The following SUPT20H variants were observed in gnomAD, a reference collection of about 807,000 sequenced individuals.
SUPT20H encodes SPT20 homolog, SAGA complex component.
SUPT20H carries 82 observed loss-of-function variants against 122.8 expected under a neutral mutation model. The ratio of observed to expected loss-of-function variants is 0.67; its 90% CI spans 0.56 to 0.80. SUPT20H has a LOEUF of 0.80. SUPT20H is among the 30% of genes least tolerant of loss of function. The pLI, the probability that SUPT20H is intolerant of heterozygous loss-of-function variation, is 0.00. For synonymous variants in SUPT20H, 291 were observed against 313.0 expected, an observed-to-expected ratio of 0.93 and a Z score of 0.74; for missense variants, 831 against 921.6, an observed-to-expected ratio of 0.90 and a Z score of 1.27.
intron 9 of SUPT20H, among the ~76,000 whole-genome samples, chr13:37,036,470 G>A (rs753100696): frequency 4.6e-5 from 7 of 151,784 alleles, no homozygotes; most frequent in Non-Finnish European, 8.8e-5. Flanking sequence ...GACTACAAGC[G>A]CACGCCACCA....
intron 7 of SUPT20H, 119 bp from the exon 8 acceptor site, chr13:37,040,811 T>A: frequency 1.4e-6 from 1 of 694,640 alleles, no homozygotes; most frequent in Non-Finnish European, 2.5e-6. Context: ...CTCATGTATG[T>A]ACTCTTCAGT....
chr13:37,045,520 C>A (rs1191020852), intron 5 of SUPT20H, 147 bp from the exon 6 acceptor site: 7 of 973,394 alleles, frequency 7.2e-6, no homozygotes, highest in Non-Finnish European at 1.0e-5. Context: ...GCTCACAAAA[C>A]TATAGCCACT....
chr13:37,042,808 G>C (rs1204127493), intron 7 of SUPT20H, among the ~76,000 whole-genome samples: 1 of 152,162 alleles, frequency 6.6e-6, no homozygotes, highest in Admixed American at 6.5e-5. Context: ...AGTAACAAGA[G>C]CAGTAGTTGG....
intron 7 of SUPT20H, 31 bp downstream of exon 7, chr13:37,044,047 T>A (rs776757156): frequency 4.7e-5 from 68 of 1,439,980 alleles, no homozygotes; most frequent in Middle Eastern, 1.8e-4. Flanking sequence ...ATAACAAATA[T>A]AAAGACATTT....
At chr13:37,044,013 G>A in intron 7 of SUPT20H, 65 bp downstream of exon 7, 1 of 946,528 alleles carries the variant, frequency 1.1e-6, no homozygotes, top group Non-Finnish European at 1.6e-6. Context: ...ACATAAAAAT[G>A]TGACATATAT....
chr13:37,030,786 T>C (rs1161501058), intron 12 of SUPT20H, among the ~76,000 whole-genome samples: 4 of 152,228 alleles, frequency 2.6e-5, no homozygotes, highest in Non-Finnish European at 1.5e-5. Flanking sequence ...TATCAGGCCA[T>C]GTTCCTTGAA....
rs780073170 is a variant in SUPT20H at position 37,024,185 on chromosome 13, AAT to A, written c.1439_1440del (p.Tyr480PhefsTer20). The A allele has an allele frequency of 1.9e-6, 3 of 1,611,236 alleles. No homozygotes were observed. Among genetic ancestry groups the A allele is most frequent in the Non-Finnish European group, 2.5e-6 (3 of 1,179,026 alleles). On this transcript the variant is annotated frameshift_variant, in exon 19 of 26. Transcript: ENST00000350612. LOFTEE classifies it high-confidence loss of function. Reference protein sequence around the residue: ...SSSGNSSSGNYFTPQQTSSFL... With the variant: ...SSSGNSSSGNXFTPQQTSSFL... Reference sequence around the variant, plus strand: ...AAGCTGCTTGTCTGTTGTGGTGTAAAATAGTTACCTAGAAGAACATAAAAGTT... The same window carrying A: ...AAGCTGCTTGTCTGTTGTGGTGTAAAAGTTACCTAGAAGAACATAAAAGTT...
intron 22 of SUPT20H, among the ~76,000 whole-genome samples, 156 bp downstream of exon 22, chr13:37,019,186 T>G (rs1342705667): frequency 1.3e-5 from 2 of 152,190 alleles, no homozygotes; most frequent in African/African-American, 4.8e-5. Flanking sequence ...TTTCTCTTTA[T>G]CCGCTTGATC....
At chr13:37,023,089 C>T (rs1236107680) in intron 19 of SUPT20H, 3 of 1,258,838 alleles carry the variant, frequency 2.4e-6, no homozygotes, top group East Asian at 1.1e-4. Flanking sequence ...GAAGCTGTCA[C>T]TCAACCCTTA....
At position 37,031,724 on chromosome 13, in the gene SUPT20H, A is replaced by AAT. The variant is rs2063373466; in HGVS notation, c.864+13_864+14dup. The AAT allele has an allele frequency of 5.1e-6, 8 of 1,566,756 alleles. No homozygotes were observed. The highest frequency in any genetic ancestry group is 6.9e-6 in the Non-Finnish European group (8 of 1,163,288). On this transcript the variant is annotated intron_variant, in intron 11 of 25. Transcript: ENST00000350612. ...TTTGGGCATAATAAGCTTCATTTAA[A>AAT]ATATATATACTTACATTTCCTGCCT... is the stretch of plus-strand genomic sequence containing the variant.
At chr13:37,012,336 AAAAC>A (rs779748120) in intron 23 of SUPT20H, 39 bp from the exon 24 acceptor site, 13 of 1,543,532 alleles carry the variant, frequency 8.4e-6, no homozygotes, top group African/African-American at 6.9e-5. Flanking sequence ...ACAAGAAAGA[AAAAC>A]AAATTTGAGC....
chr13:37,036,808 C>CT (rs1470598567), intron 9 of SUPT20H, among the ~76,000 whole-genome samples: 1 of 152,024 alleles, frequency 6.6e-6, no homozygotes, highest in African/African-American at 2.4e-5. Context: ...GAATAGTAAA[C>CT]ATATTTTCTC....
rs1442663633 is a variant in SUPT20H at position 37,055,215 on chromosome 13, G to A, written c.-93-3632C>T. Among the ~76,000 whole-genome samples the A allele has an allele frequency of 3.3e-5, 5 of 152,056 alleles. No individual in the cohort carries two copies. The East Asian group carries it at 5.8e-4, about 18-fold the overall frequency. On this transcript the variant is annotated intron_variant, in intron 1 of 25. Coordinates refer to ENST00000350612, the MANE Select transcript of SUPT20H (RefSeq NM_001014286.3). Reference sequence around the variant, plus strand: ...GCTCAAGGTAATTTATAGATTCAACGCCATCCCCATCAAGCTACCAATGAC... The same window carrying A: ...GCTCAAGGTAATTTATAGATTCAACACCATCCCCATCAAGCTACCAATGAC...
chr13:37,055,944 A>C (rs995089254), intron 1 of SUPT20H, among the ~76,000 whole-genome samples: 2 of 152,210 alleles, frequency 1.3e-5, no homozygotes, highest in Admixed American at 1.3e-4. Flanking sequence ...AACCCCATCA[A>C]TCAGTGGGCG....
At chr13:37,046,937 A>G (rs1041313137) in intron 5 of SUPT20H, 7 of 152,166 alleles carry the variant, frequency 4.6e-5, no homozygotes, top group Admixed American at 1.3e-4. Context: ...TCATTTTTAA[A>G]GACAGACAAC....
At position 37,024,180 on chromosome 13, in the gene SUPT20H, T is replaced by C. The variant is rs147258972; in HGVS notation, c.1446A>G (p.Thr482=). The C allele has an allele frequency of 2.7e-4, 430 of 1,611,464 alleles. 2 individuals are homozygous for C. The highest frequency in any genetic ancestry group is 5.0e-4 in the Middle Eastern group (3 of 6,056). Residue 482 remains threonine (T), a synonymous_variant, in exon 19 of 26, where the codon ACA becomes ACG. Coordinates refer to ENST00000350612, the MANE Select transcript of SUPT20H (RefSeq NM_001014286.3). ...TGAGAAAGCTGCTTGTCTGTTGTGG[T>C]GTAAAATAGTTACCTAGAAGAACAT... ...SGNSSSGNYF[T]PQQTSSFLKS... is the part of the protein sequence containing the mutation.
At chr13:37,054,827 G>A (rs2068571551) in intron 1 of SUPT20H, among the ~76,000 whole-genome samples, 1 of 152,178 alleles carries the variant, frequency 6.6e-6, no homozygotes, top group South Asian at 2.1e-4. Context: ...AAGTCAAATT[G>A]TCCCTGTTTG....
Position 37,031,856 on chromosome 13 carries a change from C to T in SUPT20H, c.747G>A (p.Gln249=), listed in dbSNP as rs1199710665. The T allele has an allele frequency of 6.2e-7, 1 of 1,603,896 alleles. No homozygotes were observed. The highest frequency in any genetic ancestry group is 1.1e-5 in the South Asian group (1 of 88,418). ...KRYSRSSLNR[Q]QDLSHCPPPP... ...GAGGTGGACAATGAGATAGATCTTG[C>T]TGCCGATTCAGAGAGGATCTGGAAT... The change falls in exon 11 of 26, where the codon CAG becomes CAA. Residue 249 remains glutamine (Q), a synonymous_variant. Coordinates refer to ENST00000350612, the MANE Select transcript of SUPT20H (RefSeq NM_001014286.3).
Position 37,020,074 on chromosome 13 carries a change from T to G in SUPT20H, c.1817-677A>C, listed in dbSNP as rs183083698. 7.5e-3 allele frequency among the ~76,000 whole-genome samples: 1,149 copies of G among 152,282 alleles called. 4 individuals are homozygous for G. The highest frequency in any genetic ancestry group is 0.012 in the Non-Finnish European group (823 of 68,010). On this transcript the variant is annotated intron_variant, in intron 21 of 25. Transcript: ENST00000350612. ...TTCTTTTCATAATCCTATAAAAATG[T>G]AGTAACCATTTCTAGCTTAGGCTGT...
Sources: gnomAD v4.1 joint callset for allele counts (sites outside exome capture counted in the v4.1 genomes callset) on GRCh38, gnomAD v4.1.1 for gene constraint, MANE v1.5 for transcripts, NCBI Gene and HGNC (gene_info 2026-07-23, HGNC 2026-07-21) for gene names.